Variants in RASA3 observed in about 807,000 individuals in gnomAD.
The protein encoded by RASA3 is RAS p21 protein activator 3.
A neutral mutation model predicts 110.0 loss-of-function variants in RASA3; 73 were observed. The observed-to-expected ratio is 0.66, with a 90% CI of 0.55 to 0.81. The LOEUF is 0.81. Ranked by LOEUF, RASA3 falls within the 30% of genes least tolerant of loss-of-function variation. The pLI is 0.00. For synonymous variants in RASA3, 500 were observed against 451.4 expected, an observed-to-expected ratio of 1.11 and a Z score of -1.37; for missense variants, 976 against 1,113.2, an observed-to-expected ratio of 0.88 and a Z score of 1.75.
chr13:113,998,718 C>T (rs2053312895), intron 20 of RASA3, among the ~76,000 whole-genome samples: 1 of 152,250 alleles, frequency 6.6e-6, no homozygotes, highest in African/African-American at 2.4e-5. Context: ...GCACATCCGA[C>T]AAACCCACAG....
intron 2 of RASA3, among the ~76,000 whole-genome samples, chr13:114,053,234 C>T (rs767906686): frequency 7.4e-6 from 1 of 135,340 alleles, no homozygotes; most frequent in African/African-American, 2.8e-5. Context: ...TGGCTCAGGC[C>T]GCCCATGCGT....
Position 114,015,375 on chromosome 13 carries a change from C to T in RASA3, c.1282-43G>A, listed in dbSNP as rs547532941. ...ACTGGGACCCACTCCCGAGGCTGCC[C>T]ACAGGTGCGTGTAGCACCAGGGCAC... On this transcript the variant is annotated intron_variant, in intron 13 of 23. Transcript: ENST00000334062. 2.5e-6 allele frequency: 4 copies of T among 1,608,014 alleles called. No individual in the cohort carries two copies. The African/African-American group carries it at 5.3e-5, about 21-fold the overall frequency.
intron 20 of RASA3, among the ~76,000 whole-genome samples, chr13:113,997,330 C>T (rs530651934): frequency 3.9e-5 from 6 of 152,296 alleles, no homozygotes; most frequent in South Asian, 4.2e-4. Context: ...TCCTATGTCC[C>T]GGAGACAAAG....
chr13:114,009,081 G>A (rs560858815), intron 17 of RASA3, among the ~76,000 whole-genome samples: 13 of 152,134 alleles, frequency 8.5e-5, no homozygotes, highest in Non-Finnish European at 1.6e-4. Context: ...GAGTGAGTCC[G>A]GCCACCACAC....
intron 22 of RASA3, 125 bp downstream of exon 22, chr13:113,992,360 C>A (rs2053138843): frequency 1.5e-6 from 1 of 680,856 alleles, no homozygotes; most frequent in South Asian, 1.9e-5. Context: ...ACAAAGACAA[C>A]TACATGTAGC....
intron 22 of RASA3, among the ~76,000 whole-genome samples, chr13:113,991,665 C>G (rs1218612942): frequency 1.3e-5 from 2 of 152,230 alleles, no homozygotes; most frequent in African/African-American, 2.4e-5. Context: ...ATGATACATA[C>G]TGCATATAGA....
chr13:114,104,060 C>T (rs2080098507), intron 1 of RASA3, among the ~76,000 whole-genome samples: 1 of 57,808 alleles, frequency 1.7e-5, no homozygotes, highest in Admixed American at 1.5e-4. Context: ...CATGCTGCCA[C>T]GGCCACGGAC....
intron 21 of RASA3, among the ~76,000 whole-genome samples, chr13:113,996,041 C>CGGCTCATGGGGGGCCT (rs2053246530): frequency 1.1e-5 from 1 of 90,296 alleles, no homozygotes; most frequent in Non-Finnish European, 2.3e-5. Flanking sequence ...TGGGGGGGCC[C>CGGCTCATGGGGGGCCT]GGCTGATGGG....
intron 1 of RASA3, among the ~76,000 whole-genome samples, chr13:114,081,284 G>A (rs922135102): frequency 1.3e-5 from 2 of 152,190 alleles, no homozygotes; most frequent in African/African-American, 4.8e-5. Flanking sequence ...TAAACGTCTA[G>A]GAGGAGACCT....
At chr13:114,062,745 C>CCACGTCCGCACGCAGACTCGGACACGCG (rs2079381982) in intron 2 of RASA3, among the ~76,000 whole-genome samples, 1 of 152,082 alleles carries the variant, frequency 6.6e-6, no homozygotes, top group Non-Finnish European at 1.5e-5. Flanking sequence ...TGCTCACAGC[C>CCACGTCCGCACGCAGACTCGGACACGCG]TCAGTCATGA....
At chr13:114,100,104 T>G (rs1331108698) in intron 1 of RASA3, among the ~76,000 whole-genome samples, 1 of 150,722 alleles carries the variant, frequency 6.6e-6, no homozygotes, top group Non-Finnish European at 1.5e-5. Flanking sequence ...GAGACCACAC[T>G]GCCACACCTG....
At chr13:113,995,284 C>T (rs1475482379) in intron 21 of RASA3, among the ~76,000 whole-genome samples, 1 of 152,262 alleles carries the variant, frequency 6.6e-6, no homozygotes, top group African/African-American at 2.4e-5. Context: ...AGAGCGCTGG[C>T]CTCTCCTGGG....
In RASA3 at chr13:114,041,009, C is replaced by G. The variant is rs138165458; in HGVS notation, c.363G>C (p.Ser121=). 1 of 1,613,562 alleles carries G rather than the reference C, an allele frequency of 6.2e-7. No individual in the cohort carries two copies. Among genetic ancestry groups the G allele is most frequent in the Non-Finnish European group, 8.5e-7 (1 of 1,180,030 alleles). The change falls in exon 4 of 24, where the codon TCG becomes TCC. Residue 121 remains serine (S), a synonymous_variant. Transcript: ENST00000334062. ...GCGCCGAGAGTCTCACCTGCACTTC[C>G]GAGTCAGCGTCCACGTGCTGCAGCT... The part of the protein sequence containing the change: ...WFQLQHVDAD[S]EVQGKVHLEL...
At chr13:114,123,171 G>A (rs149602241) in intron 1 of RASA3, among the ~76,000 whole-genome samples, 156 of 152,334 alleles carry the variant, frequency 1.0e-3, no homozygotes, top group Non-Finnish European at 2.4e-4. Flanking sequence ...AGTCACCACC[G>A]GACGCCGAGG....
intron 1 of RASA3, among the ~76,000 whole-genome samples, chr13:114,076,642 T>C (rs2139681677): frequency 6.6e-6 from 1 of 152,178 alleles, no homozygotes; most frequent in South Asian, 2.1e-4. Flanking sequence ...GGGGAGAACA[T>C]GGCCGGCGAG....
Position 113,996,777 on chromosome 13 carries a change from G to A in RASA3, c.1933-38C>T, listed in dbSNP as rs182137769. 8.3e-4 allele frequency: 1,300 copies of A among 1,573,112 alleles called. 13 individuals are homozygous for A. In the African/African-American group the frequency reaches 0.015, roughly 18 times the overall value. Reference sequence around the variant, plus strand: ...GTGGGCTCAGGACAGCGCACATGAGGTCTCGTGGCTGAGCACGTGCAAGAG... The same window carrying A: ...GTGGGCTCAGGACAGCGCACATGAGATCTCGTGGCTGAGCACGTGCAAGAG... On this transcript the variant is annotated intron_variant, in intron 20 of 23. Coordinates refer to ENST00000334062, the MANE Select transcript of RASA3 (RefSeq NM_007368.4).
chr13:114,038,240 C>A (rs2054319190), intron 4 of RASA3, among the ~76,000 whole-genome samples: 1 of 152,250 alleles, frequency 6.6e-6, no homozygotes, highest in Non-Finnish European at 1.5e-5. Context: ...AGCTGGGGAA[C>A]TCGCCGACAC....
chr13:113,995,393 T>A (rs1457135583), intron 21 of RASA3, among the ~76,000 whole-genome samples: 4 of 152,220 alleles, frequency 2.6e-5, no homozygotes, highest in African/African-American at 9.6e-5. Flanking sequence ...AGGTCCCACC[T>A]CTGAGGCTGT....
intron 19 of RASA3, 137 bp downstream of exon 19, chr13:114,000,689 C>G: frequency 1.5e-6 from 1 of 664,000 alleles, no homozygotes; most frequent in Non-Finnish European, 2.7e-6. Flanking sequence ...GCAGAGGGCT[C>G]TGGGTCACCG....
Sources: gnomAD v4.1 joint callset for allele counts (sites outside exome capture counted in the v4.1 genomes callset) on GRCh38, gnomAD v4.1.1 for gene constraint, MANE v1.5 for transcripts, NCBI Gene and HGNC (gene_info 2026-07-23, HGNC 2026-07-21) for gene names.